The following MCPH1 variants were observed in gnomAD, a reference collection of about 807,000 sequenced individuals.
MCPH1 encodes the protein microcephalin.
MCPH1 carries 104 observed loss-of-function variants against 84.5 expected under a neutral mutation model. That is an observed-to-expected ratio of 1.23 (90% CI 1.05 to 1.45). The LOEUF (loss-of-function observed/expected upper bound fraction) is 1.45, where lower values mean the gene tolerates loss of function less well. Among genes scored for constraint, MCPH1 ranks in the 40% most tolerant of loss-of-function variants. MCPH1 has a pLI of 0.00. For missense variants in MCPH1, 1,498 were observed against 1,005.7 expected, an observed-to-expected ratio of 1.49 and a Z score of -6.62; for synonymous variants, 514 against 366.8, an observed-to-expected ratio of 1.40 and a Z score of -4.58.
rs944137703 is a variant in MCPH1, at chr8:6,509,539, G to T, written c.2214+9610G>T. On this transcript the variant is annotated intron_variant, in intron 12 of 13. Transcript: ENST00000344683. The stretch of plus-strand genomic sequence containing the variant: ...AGTTTGGGGAAGAAATCTACAGAAC[G>T]GTGCTGAAAATAAATCCTTGTGGCT... 2.0e-5 allele frequency among the ~76,000 whole-genome samples: 3 copies of T among 152,118 alleles called. No individual in the cohort carries two copies. In the East Asian group the frequency reaches 5.8e-4, roughly 29 times the overall value.
chr8:6,623,649 G>C (rs1158073725), intron 13 of MCPH1, among the ~76,000 whole-genome samples: 1 of 135,384 alleles, frequency 7.4e-6, no homozygotes, highest in Non-Finnish European at 1.5e-5. Flanking sequence ...TTTTTACTCT[G>C]GTGCAGAGTA....
rs768875756 is a variant in MCPH1 at position 6,436,042 on chromosome 8, G to T, written c.322-6G>T. On this transcript the variant is annotated splice_polypyrimidine_tract_variant and splice_region_variant and intron_variant, in intron 4 of 13. Transcript: ENST00000344683. ...CAGCATTAATTTTTGTGTTCTTTTT[G>T]CACAGCGTAAATGTATGCAGCCCAA... The T allele has an allele frequency of 1.2e-6, 2 of 1,612,806 alleles. No homozygotes were observed. Among genetic ancestry groups the T allele is most frequent in the Admixed American group, 1.7e-5 (1 of 59,948 alleles).
At chr8:6,521,395 C>T in intron 12 of MCPH1, 1 of 1,609,340 alleles carries the variant, frequency 6.2e-7, no homozygotes, top group Admixed American at 1.7e-5. Flanking sequence ...TAGCTAGCAC[C>T]TTCTTTTCTA....
At chr8:6,616,792 G>A (rs2129580044) in intron 12 of MCPH1, 1 of 152,348 alleles carries the variant, frequency 6.6e-6, no homozygotes, top group Non-Finnish European at 1.5e-5. Flanking sequence ...GAGCAGTCCT[G>A]TTGTTTATTT....
chr8:6,457,471 G>C (rs55866516), intron 9 of MCPH1, among the ~76,000 whole-genome samples: 3 of 151,670 alleles, frequency 2.0e-5, no homozygotes, highest in Non-Finnish European at 4.4e-5. Flanking sequence ...CAGGCCTGGT[G>C]GTGGGCACCT....
At chr8:6,442,238 A>G (rs116167188) in intron 7 of MCPH1, 82 bp downstream of exon 7, 2 of 824,126 alleles carry the variant, frequency 2.4e-6, no homozygotes, top group East Asian at 2.6e-5. Context: ...TCATGTAGCA[A>G]CTTCTGATGA....
intron 12 of MCPH1, among the ~76,000 whole-genome samples, chr8:6,604,983 T>G (rs2129578578): frequency 6.6e-6 from 1 of 152,304 alleles, no homozygotes; most frequent in South Asian, 2.1e-4. Flanking sequence ...AGGAAATTGT[T>G]CGGTGCCATC....
intron 12 of MCPH1, among the ~76,000 whole-genome samples, chr8:6,617,920 T>TA (rs1831006071): frequency 6.6e-6 from 1 of 151,560 alleles, no homozygotes; most frequent in Admixed American, 6.6e-5. Context: ...TCTATCTATC[T>TA]ATCTATCTAT....
At chr8:6,591,980 C>T (rs1044701095) in intron 12 of MCPH1, among the ~76,000 whole-genome samples, 1 of 152,082 alleles carries the variant, frequency 6.6e-6, no homozygotes, top group Non-Finnish European at 1.5e-5. Flanking sequence ...GGAAAAAATT[C>T]GACAACGCAA....
At chr8:6,525,176 A>G (rs1004695924) in intron 12 of MCPH1, among the ~76,000 whole-genome samples, 2 of 152,200 alleles carry the variant, frequency 1.3e-5, no homozygotes, top group Non-Finnish European at 2.9e-5. Flanking sequence ...CTCGCCCATA[A>G]GCAATAACAA....
chr8:6,553,925 G>A (rs760841624), intron 12 of MCPH1, among the ~76,000 whole-genome samples: 1 of 152,046 alleles, frequency 6.6e-6, no homozygotes, highest in Non-Finnish European at 1.5e-5. Flanking sequence ...ACCAAGATAT[G>A]GTTTGGGCAG....
At chr8:6,418,262 CTG>C (rs1228421320) in intron 3 of MCPH1, among the ~76,000 whole-genome samples, 4 of 152,170 alleles carry the variant, frequency 2.6e-5, no homozygotes, top group African/African-American at 9.7e-5. Context: ...CCCTCAGAGA[CTG>C]TGGCTGCCTT....
chr8:6,462,974 G>C (rs887876590), intron 9 of MCPH1, among the ~76,000 whole-genome samples: 4 of 152,182 alleles, frequency 2.6e-5, no homozygotes, highest in African/African-American at 9.7e-5. Flanking sequence ...AGACCACCAT[G>C]TGTCTTTAAT....
At chr8:6,504,274 C>T (rs1292087376) in intron 12 of MCPH1, among the ~76,000 whole-genome samples, 7 of 145,118 alleles carry the variant, frequency 4.8e-5, no homozygotes, top group Admixed American at 2.1e-4. Flanking sequence ...GCCGAGATCG[C>T]GCCACTGCAC....
chr8:6,459,425 G>A (rs923043063), intron 9 of MCPH1, among the ~76,000 whole-genome samples: 2 of 152,084 alleles, frequency 1.3e-5, no homozygotes, highest in Non-Finnish European at 2.9e-5. Flanking sequence ...ACAGGTGCAC[G>A]CCACATATTT....
chr8:6,601,682 C>T (rs1829377616), intron 12 of MCPH1, among the ~76,000 whole-genome samples: 1 of 151,602 alleles, frequency 6.6e-6, no homozygotes, highest in Non-Finnish European at 1.5e-5. Context: ...CATGCCACTA[C>T]ACACAGTGCA....
chr8:6,406,699 T>G lies in MCPH1; in HGVS notation c.22+10T>G, dbSNP rs1797740442. 6.2e-7 allele frequency: 1 copy of G among 1,612,064 alleles called. No individual in the cohort carries two copies. Among genetic ancestry groups the G allele is most frequent in the Non-Finnish European group, 8.5e-7 (1 of 1,179,478 alleles). ...GCCCCCATCCTGAAAGGTGAGGTAC[T>G]TCCTGCTGCCTGCTCCAGCAGCGGG... On this transcript the variant is annotated intron_variant, in intron 1 of 13. Coordinates refer to ENST00000344683, the MANE Select transcript of MCPH1 (RefSeq NM_024596.5).
rs13255158 is a variant in MCPH1, at chr8:6,406,869, T to G, written c.22+180T>G. 2.1e-3 allele frequency among the ~76,000 whole-genome samples: 10 copies of G among 4,800 alleles called. No individual in the cohort carries two copies. The East Asian group carries it at 0.041, about 20-fold the overall frequency. 3.1% of individuals were successfully genotyped at this position (4,800 alleles called of 152,430 possible). The stretch of plus-strand genomic sequence containing the variant: ...CGCTGCCTGTCCCACCAAAACCCCC[T>G]GCTCCTGCTCTCTCCCCCGCTGCCT... On this transcript the variant is annotated intron_variant, in intron 1 of 13. Coordinates refer to ENST00000344683, the MANE Select transcript of MCPH1 (RefSeq NM_024596.5).
chr8:6,538,411 T>C (rs1017704359), intron 12 of MCPH1, among the ~76,000 whole-genome samples: 1 of 152,220 alleles, frequency 6.6e-6, no homozygotes, highest in African/African-American at 2.4e-5. Context: ...GGAATCCACA[T>C]GCAAAGCTGG....
Sources: gnomAD v4.1 joint callset for allele counts (sites outside exome capture counted in the v4.1 genomes callset) on GRCh38, gnomAD v4.1.1 for gene constraint, MANE v1.5 for transcripts, NCBI Gene and HGNC (gene_info 2026-07-23, HGNC 2026-07-21) for gene names.